MEI4: variants seen among roughly 807,000 people sequenced by gnomAD.
The protein encoded by MEI4 is meiosis-specific protein MEI4.
A neutral mutation model predicts 31.4 loss-of-function variants in MEI4; 27 were observed. That is an observed-to-expected ratio of 0.86 (90% CI 0.63 to 1.19). MEI4 has a LOEUF of 1.19. Among genes scored for constraint, MEI4 ranks in the 50% most tolerant of loss-of-function variants. MEI4 has a pLI of 0.00. For synonymous variants in MEI4, 122 were observed against 145.4 expected (o/e 0.84, Z 1.16); for missense variants, 329 against 398.9 (o/e 0.82, Z 1.49).
At chr6:77,735,808 T>G (rs1479303351) in intron 2 of MEI4, among the ~76,000 whole-genome samples, 1 of 152,020 alleles carries the variant, frequency 6.6e-6, no homozygotes, top group Non-Finnish European at 1.5e-5. Flanking sequence ...ACAGATGGGT[T>G]TTTGGTGTGG....
chr6:77,713,431 C>T (rs1014497034), intron 2 of MEI4, among the ~76,000 whole-genome samples: 26 of 151,448 alleles, frequency 1.7e-4, no homozygotes, highest in Non-Finnish European at 3.2e-4. Flanking sequence ...CTTATATAAA[C>T]AACTGAATCT....
intron 4 of MEI4, among the ~76,000 whole-genome samples, chr6:77,853,085 C>G (rs1770667267): frequency 6.6e-6 from 1 of 152,084 alleles, no homozygotes; most frequent in Non-Finnish European, 1.5e-5. Context: ...GTAATCCCAC[C>G]TACTTGGGAG....
intron 3 of MEI4, among the ~76,000 whole-genome samples, chr6:77,827,431 C>T (rs1168596272): frequency 2.7e-5 from 4 of 150,458 alleles, no homozygotes; most frequent in African/African-American, 4.9e-5. Flanking sequence ...TGGGATGAGC[C>T]AGCACTCTGA....
rs1482503537 is a variant in MEI4, at chr6:77,735,609, T to C, written c.233-25521T>C. On this transcript the variant is annotated intron_variant, in intron 2 of 4. Transcript: ENST00000684080. ...CTCCCGTAGCTCGGAGTAATTTGAT[T>C]GTCTGAAGCCTTCTTCTCTTAGCTT... 5.9e-5 allele frequency among the ~76,000 whole-genome samples: 9 copies of C among 152,132 alleles called. No homozygotes were observed. The East Asian group carries it at 7.7e-4, about 13-fold the overall frequency.
chr6:77,913,230 T>G (rs1263897407), intron 4 of MEI4, among the ~76,000 whole-genome samples: 4 of 152,168 alleles, frequency 2.6e-5, no homozygotes, highest in Non-Finnish European at 5.9e-5. Context: ...TTCATTATGT[T>G]TATTGACCTG....
intron 2 of MEI4, among the ~76,000 whole-genome samples, chr6:77,726,645 A>T (rs1332770769): frequency 1.3e-5 from 2 of 152,080 alleles, no homozygotes; most frequent in Non-Finnish European, 2.9e-5. Context: ...AGGACCGTGT[A>T]ATAGGCCTGG....
At position 77,923,438 on chromosome 6, in the gene MEI4, T is replaced by A; in HGVS notation, c.*92T>A. 8.3e-6 allele frequency: 8 copies of A among 964,516 alleles called. No homozygotes were observed. Among genetic ancestry groups the A allele is most frequent in the Non-Finnish European group, 1.1e-5 (8 of 746,074 alleles). The allele number at this position is 964,516 out of a possible 1,614,324, so 59.7% of individuals were successfully genotyped here. On this transcript the variant is annotated 3_prime_UTR_variant, in exon 5 of 5. Coordinates refer to ENST00000684080, the MANE Select transcript of MEI4 (RefSeq NM_001322247.2). ...GAAAAGATTTTCAATAGTATTTTAA[T>A]TAGCATTTTAGAATTGATCTCTAAA...
Position 77,738,977 on chromosome 6 carries a change from A to G in MEI4, c.233-22153A>G, listed in dbSNP as rs148895468. On this transcript the variant is annotated intron_variant, in intron 2 of 4. Coordinates refer to ENST00000684080, the MANE Select transcript of MEI4 (RefSeq NM_001322247.2). ...AATTTAAATTCCTTGTAGACTCTGGATAGTAGATCTTTGTCAGATGGGTAG... is the reference window on the plus strand; with the variant it reads ...AATTTAAATTCCTTGTAGACTCTGGGTAGTAGATCTTTGTCAGATGGGTAG... Among the ~76,000 whole-genome samples the G allele has an allele frequency of 1.4e-3, 214 of 152,128 alleles. 1 individual carries two copies. The highest frequency in any genetic ancestry group is 4.5e-3 in the African/African-American group (188 of 41,496).
chr6:77,882,491 C>G (rs1432576901), intron 4 of MEI4, among the ~76,000 whole-genome samples: 1 of 152,282 alleles, frequency 6.6e-6, no homozygotes, highest in Non-Finnish European at 1.5e-5. Flanking sequence ...GTTGGAGTTG[C>G]ATGGTTTTTT....
intron 2 of MEI4, among the ~76,000 whole-genome samples, chr6:77,737,834 G>T (rs764562139): frequency 1.3e-5 from 2 of 152,202 alleles, no homozygotes; most frequent in African/African-American, 4.8e-5. Flanking sequence ...AAACCTTGGA[G>T]ACTGGAGGGT....
chr6:77,918,423 TTG>T (rs1766618165), intron 4 of MEI4, among the ~76,000 whole-genome samples: 1 of 136,024 alleles, frequency 7.4e-6, no homozygotes, highest in Non-Finnish European at 1.6e-5. Flanking sequence ...TTCCATTTGT[TTG>T]TATCCTCTTT....
At chr6:77,886,208 CT>C (rs1771614129) in intron 4 of MEI4, among the ~76,000 whole-genome samples, 1 of 152,064 alleles carries the variant, frequency 6.6e-6, no homozygotes. Context: ...TCCTCCTCAA[CT>C]TTTTTGGAAT....
Position 77,761,144 on chromosome 6 carries a change from C to A in MEI4, c.247C>A (p.Gln83Lys). The change falls in exon 3 of 5, where the codon CAG becomes AAG. Residue 83 changes from glutamine (Q) to lysine (K), a missense_variant. Transcript: ENST00000684080. ...GSFKSGYVSS[Q>K]LEAQEPKSSE... Reference sequence around the variant, plus strand: ...TTATTTTTCAGGATACGTTTCCTCCCAGTTGGAGGCTCAGGAACCTAAGAG... The same window carrying A: ...TTATTTTTCAGGATACGTTTCCTCCAAGTTGGAGGCTCAGGAACCTAAGAG... 3 of 1,231,870 alleles carry A rather than the reference C, an allele frequency of 2.4e-6. No homozygotes were observed. The highest frequency in any genetic ancestry group is 3.0e-6 in the Non-Finnish European group (3 of 987,818). 76.3% of individuals were successfully genotyped at this position (1,231,870 alleles called of 1,614,324 possible).
chr6:77,748,570 T>A (rs1372430983), intron 2 of MEI4, among the ~76,000 whole-genome samples: 1 of 152,158 alleles, frequency 6.6e-6, no homozygotes, highest in African/African-American at 2.4e-5. Flanking sequence ...TGGGGGCCCG[T>A]GATGGGAGGG....
intron 4 of MEI4, among the ~76,000 whole-genome samples, chr6:77,909,210 C>T (rs558539288): frequency 3.6e-4 from 54 of 151,744 alleles, no homozygotes; most frequent in Non-Finnish European, 6.2e-4. Flanking sequence ...CACTCAAAAC[C>T]GCTCAACTAC....
chr6:77,757,025 T>C (rs992487462), intron 2 of MEI4, among the ~76,000 whole-genome samples: 2 of 152,196 alleles, frequency 1.3e-5, no homozygotes, highest in African/African-American at 4.8e-5. Context: ...GCACACAGCC[T>C]CTTTGCTGTC....
At chr6:77,789,909 A>G (rs1206466105) in intron 3 of MEI4, among the ~76,000 whole-genome samples, 1 of 152,180 alleles carries the variant, frequency 6.6e-6, no homozygotes, top group Admixed American at 6.6e-5. Context: ...TACTGGATAT[A>G]TACCCAAAGG....
chr6:77,884,449 A>G (rs914346118), intron 4 of MEI4, among the ~76,000 whole-genome samples: 1 of 152,110 alleles, frequency 6.6e-6, no homozygotes, highest in Non-Finnish European at 1.5e-5. Flanking sequence ...ATCCTGAAGC[A>G]TTTCCCCTGT....
intron 3 of MEI4, among the ~76,000 whole-genome samples, chr6:77,771,948 G>A (rs368491980): frequency 6.6e-6 from 1 of 151,770 alleles, no homozygotes; most frequent in East Asian, 1.9e-4. Flanking sequence ...TAAAAGTTAA[G>A]AGAAAATTAT....
Sources: allele counts gnomAD v4.1 joint callset (sites outside exome capture counted in the v4.1 genomes callset), GRCh38; gene constraint gnomAD v4.1.1; transcripts MANE v1.5; gene names NCBI Gene and HGNC (gene_info 2026-07-23, HGNC 2026-07-21).